JPH3: variants seen among roughly 807,000 people sequenced by gnomAD.
JPH3 encodes junctophilin 3.
A neutral mutation model predicts 59.6 loss-of-function variants in JPH3; 11 were observed. The observed-to-expected ratio is 0.18, with a 90% CI of 0.12 to 0.31. JPH3 has a LOEUF of 0.31. Ranked by LOEUF, JPH3 falls within the 10% of genes least tolerant of loss-of-function variation. JPH3 has a pLI of 1.00. For synonymous variants in JPH3, 673 were observed against 483.6 expected, an observed-to-expected ratio of 1.39 and a Z score of -5.14; for missense variants, 1,202 against 1,105.7, an observed-to-expected ratio of 1.09 and a Z score of -1.24.
chr16:87,610,483 G>T (rs1385936549), intron 1 of JPH3, among the ~76,000 whole-genome samples: 2 of 152,264 alleles, frequency 1.3e-5, no homozygotes, highest in Non-Finnish European at 2.9e-5. Context: ...GCTGGCACGT[G>T]GTGGTCAATA....
At chr16:87,685,686 G>A (rs565662278) in intron 3 of JPH3, among the ~76,000 whole-genome samples, 16 of 152,384 alleles carry the variant, frequency 1.0e-4, no homozygotes, top group African/African-American at 2.9e-4. Context: ...CACGTAGGAC[G>A]GCATGGGATT....
chr16:87,628,367 G>A (rs375725253), intron 1 of JPH3, among the ~76,000 whole-genome samples: 8 of 152,350 alleles, frequency 5.3e-5, no homozygotes, highest in South Asian at 2.1e-4. Flanking sequence ...CCTAGCTGCC[G>A]CACTTCAGAG....
intron 1 of JPH3, among the ~76,000 whole-genome samples, chr16:87,614,249 G>A (rs1049443650): frequency 8.5e-5 from 12 of 141,270 alleles, no homozygotes; most frequent in African/African-American, 2.6e-4. Context: ...GGAGCTACAC[G>A]TCCCCTCCCA....
intron 2 of JPH3, among the ~76,000 whole-genome samples, chr16:87,667,458 C>G (rs1205047791): frequency 6.6e-6 from 1 of 152,210 alleles, no homozygotes; most frequent in Non-Finnish European, 1.5e-5. Context: ...ACTTCCCCAG[C>G]CCTGTTCAGA....
At position 87,603,102 on chromosome 16, in the gene JPH3, G is replaced by C; in HGVS notation, c.-45G>C. The C allele has an allele frequency of 6.2e-7, 1 of 1,613,204 alleles. No individual in the cohort carries two copies. Among genetic ancestry groups the C allele is most frequent in the Non-Finnish European group, 8.5e-7 (1 of 1,179,658 alleles). Reference sequence around the variant, plus strand: ...CGCGACTCTGCTGTGTCGATCGCCTGAGTCCGTTTTCACCGTTTGCGGGAT... The same window carrying C: ...CGCGACTCTGCTGTGTCGATCGCCTCAGTCCGTTTTCACCGTTTGCGGGAT... On this transcript the variant is annotated 5_prime_UTR_variant, in exon 1 of 5. Transcript: ENST00000284262.
intron 1 of JPH3, among the ~76,000 whole-genome samples, chr16:87,621,019 C>T (rs2031165040): frequency 6.6e-6 from 1 of 152,180 alleles, no homozygotes; most frequent in African/African-American, 2.4e-5. Context: ...ATCAGCCAGG[C>T]ATGGTGGCGG....
chr16:87,695,261 C>T (rs1326281368), intron 4 of JPH3: 1 of 455,116 alleles, frequency 2.2e-6, no homozygotes, highest in Non-Finnish European at 4.4e-6. Context: ...CAGACCACCC[C>T]ATCATGTCTT....
intron 2 of JPH3, among the ~76,000 whole-genome samples, chr16:87,659,891 C>G (rs1007500958): frequency 2.6e-5 from 4 of 152,190 alleles, no homozygotes; most frequent in African/African-American, 9.6e-5. Flanking sequence ...CCCAGGTTCC[C>G]TCCCCCAGCC....
intron 1 of JPH3, among the ~76,000 whole-genome samples, chr16:87,631,945 C>G (rs77908298): frequency 0.094 from 14,312 of 152,138 alleles, 973 homozygotes; most frequent in South Asian, 0.27. Context: ...TCTGGTCCCT[C>G]GATGTCTTCT....
chr16:87,676,273 G>C (rs936637018), intron 2 of JPH3, among the ~76,000 whole-genome samples: 2 of 152,126 alleles, frequency 1.3e-5, no homozygotes, highest in African/African-American at 4.8e-5. Context: ...TTTCCTCTAT[G>C]TCCTAATATA....
intron 2 of JPH3, among the ~76,000 whole-genome samples, chr16:87,657,358 T>C (rs1451618919): frequency 6.6e-6 from 1 of 152,064 alleles, no homozygotes; most frequent in Non-Finnish European, 1.5e-5. Flanking sequence ...GGGAGATTCA[T>C]GGGGACAGGG....
chr16:87,678,576 G>T (rs1359626447), intron 2 of JPH3, among the ~76,000 whole-genome samples: 1 of 152,130 alleles, frequency 6.6e-6, no homozygotes, highest in Non-Finnish European at 1.5e-5. Flanking sequence ...GTGTGTCTGT[G>T]TATACACACT....
intron 3 of JPH3, 123 bp downstream of exon 3, chr16:87,684,389 C>T: frequency 7.0e-7 from 1 of 1,435,114 alleles, no homozygotes; most frequent in Admixed American, 2.3e-5. Flanking sequence ...CCCAGCTGCT[C>T]CCCTGCCCGG....
chr16:87,695,978 T>C (rs2033825802), intron 4 of JPH3: 1 of 455,846 alleles, frequency 2.2e-6, no homozygotes, highest in African/African-American at 2.0e-5. Flanking sequence ...TTCAGGACCA[T>C]AACCTAAATC....
chr16:87,667,200 C>A (rs1397642743), intron 2 of JPH3, among the ~76,000 whole-genome samples: 1 of 152,206 alleles, frequency 6.6e-6, no homozygotes, highest in African/African-American at 2.4e-5. Flanking sequence ...TCCCTCTGCC[C>A]CGTCCTGAGC....
At chr16:87,662,653 CG>C (rs2032742379) in intron 2 of JPH3, among the ~76,000 whole-genome samples, 1 of 152,224 alleles carries the variant, frequency 6.6e-6, no homozygotes, top group Admixed American at 6.5e-5. Context: ...CCCCAGTCCC[CG>C]CTGAGCCATG....
chr16:87,684,296 C>T (rs201756783), intron 3 of JPH3, 30 bp downstream of exon 3: 22 of 1,611,430 alleles, frequency 1.4e-5, no homozygotes, highest in African/African-American at 1.2e-4. Context: ...ATACTGGCAT[C>T]GTGGGGAGGG....
intron 1 of JPH3, chr16:87,603,982 C>T (rs2030377831): frequency 1.4e-6 from 1 of 714,156 alleles, no homozygotes; most frequent in South Asian, 6.3e-5. Flanking sequence ...GCCCGAGGGC[C>T]TTCCTCAGCC....
rs150170214 is a variant in JPH3, at chr16:87,666,368, C to T, written c.1161-17774C>T. 5.0e-3 allele frequency among the ~76,000 whole-genome samples: 757 copies of T among 150,298 alleles called. 13 individuals carry two copies. The highest frequency in any genetic ancestry group is 0.018 in the African/African-American group (723 of 41,004). On this transcript the variant is annotated intron_variant, in intron 2 of 4. Coordinates refer to ENST00000284262, the MANE Select transcript of JPH3 (RefSeq NM_020655.4). ...CCTCTCAAAGTGCTTATATTACAGG[C>T]ATGAGCCACCGCGCCTGGCCTATTT...
Sources: gnomAD v4.1 joint callset for allele counts (sites outside exome capture counted in the v4.1 genomes callset) on GRCh38, gnomAD v4.1.1 for gene constraint, MANE v1.5 for transcripts, NCBI Gene and HGNC (gene_info 2026-07-23, HGNC 2026-07-21) for gene names.